Variants in KLHDC8B observed in about 807,000 individuals in gnomAD.
The protein encoded by KLHDC8B is kelch domain-containing protein 8B.
A neutral mutation model predicts 26.3 loss-of-function variants in KLHDC8B; 19 were observed. The ratio of observed to expected loss-of-function variants is 0.72; its 90% CI spans 0.50 to 1.06. The LOEUF (loss-of-function observed/expected upper bound fraction) is 1.06, where lower values mean the gene tolerates loss of function less well. Among genes scored for constraint, KLHDC8B ranks in the 50% least tolerant of loss-of-function variants. The pLI is 0.00. For missense variants in KLHDC8B, 411 were observed against 488.1 expected (o/e 0.84, Z 1.49); for synonymous variants, 150 against 188.4 (o/e 0.80, Z 1.67).
In KLHDC8B at chr3:49,175,659, G is replaced by T; in HGVS notation, c.923G>T (p.Arg308Leu). 1.9e-6 allele frequency: 3 copies of T among 1,609,160 alleles called. No homozygotes were observed. The South Asian group carries it at 3.3e-5, about 18-fold the overall frequency. The change falls in exon 6 of 6, where the codon CGC becomes CTC. Residue 308 changes from arginine to leucine, a missense_variant. By Grantham distance (102) the Arg-to-Leu change is moderately radical. Transcript: ENST00000332780. ...SVESFSLARR[R>L]WEALPAMPTA... ...GAGAGCTTTAGCCTTGCACGGCGGC[G>T]CTGGGAGGCATTGCCTGCCATGCCC... is the stretch of plus-strand genomic sequence containing the variant.
chr3:49,174,133 A>C, intron 2 of KLHDC8B, 106 bp from the exon 3 acceptor site: 1 of 737,414 alleles, frequency 1.4e-6, no homozygotes, highest in Non-Finnish European at 2.3e-6. Flanking sequence ...GAGGGATGCT[A>C]TAAACACATG....
At chr3:49,173,911 C>T in intron 2 of KLHDC8B, among the ~76,000 whole-genome samples, 1 of 152,298 alleles carries the variant, frequency 6.6e-6, no homozygotes, top group East Asian at 1.9e-4. Context: ...GAGGGGAGTC[C>T]CCACCTTGTG....
At chr3:49,174,181 T>C in intron 2 of KLHDC8B, 58 bp from the exon 3 acceptor site, 1 of 1,364,398 alleles carries the variant, frequency 7.3e-7, no homozygotes, top group Non-Finnish European at 1.0e-6. Flanking sequence ...AGGGCAGCTG[T>C]CAGGGTGGGG....
At chr3:49,173,242 A>G in intron 2 of KLHDC8B, 97 bp downstream of exon 2, 14 of 1,264,834 alleles carry the variant, frequency 1.1e-5, no homozygotes, top group Non-Finnish European at 1.5e-5. Flanking sequence ...CAAGAGCTGT[A>G]ATTTTTACAT....
chr3:49,175,226 A>G (rs2045815576), intron 5 of KLHDC8B, 63 bp downstream of exon 5: 1 of 1,358,382 alleles, frequency 7.4e-7, no homozygotes, highest in African/African-American at 1.4e-5. Flanking sequence ...AGCCCCCAGC[A>G]TGTGTGTCAC....
rs2045822261 is a variant in KLHDC8B at position 49,175,737 on chromosome 3, T to C, written c.1001T>C (p.Ile334Thr). The part of the protein sequence containing the change: ...SLQAGPRLFV[I>T]GGVAQGPSQA... Reference sequence around the variant, plus strand: ...CAGGCTGGGCCCCGGCTGTTTGTTATTGGGGGTGTGGCCCAGGGCCCCAGT... The same window carrying C: ...CAGGCTGGGCCCCGGCTGTTTGTTACTGGGGGTGTGGCCCAGGGCCCCAGT... Residue 334 changes from isoleucine to threonine, a missense_variant, in exon 6 of 6, where the codon ATT (isoleucine) becomes ACT (threonine). Ile to Thr is a moderately conservative substitution (Grantham distance 89). Coordinates refer to ENST00000332780, the MANE Select transcript of KLHDC8B (RefSeq NM_173546.3). 3.7e-6 allele frequency: 6 copies of C among 1,614,028 alleles called. No individual in the cohort carries two copies. Among genetic ancestry groups the C allele is most frequent in the East Asian group, 2.2e-5 (1 of 44,884 alleles).
chr3:49,175,787 C>T lies in KLHDC8B; in HGVS notation c.1051C>T (p.Arg351Cys), dbSNP rs752885062. ...PSQAVEALCL[R>C]DGV ...TCAAGCCGTGGAGGCACTGTGTCTG[C>T]GTGATGGGGTCTGAAGGCTTGGTGG... is the stretch of plus-strand genomic sequence containing the variant. The change falls in exon 6 of 6, where the codon CGT (arginine) becomes TGT (cysteine). Residue 351 changes from arginine (R) to cysteine (C), a missense_variant. Arg to Cys is a radical substitution (Grantham distance 180, BLOSUM62 -3). Coordinates refer to ENST00000332780, the MANE Select transcript of KLHDC8B (RefSeq NM_173546.3). 8.7e-6 allele frequency: 14 copies of T among 1,614,026 alleles called. No individual in the cohort carries two copies. The highest frequency in any genetic ancestry group is 1.7e-4 in the Middle Eastern group (1 of 6,060).
rs765662186 is a variant in KLHDC8B, at chr3:49,175,718, G to A, written c.982G>A (p.Gly328Arg). The change falls in exon 6 of 6, where the codon GGG becomes AGG. Residue 328 changes from glycine to arginine, a missense_variant. Gly to Arg is a moderately radical substitution (Grantham distance 125). Transcript: ENST00000332780. ...ARCSCSSLQA[G>R]PRLFVIGGVA... ...CTGCTCCTGCTCTAGTCTGCAGGCT[G>A]GGCCCCGGCTGTTTGTTATTGGGGG... 1 of 1,613,982 alleles carries A rather than the reference G, an allele frequency of 6.2e-7. No individual in the cohort carries two copies. The highest frequency in any genetic ancestry group is 1.1e-5 in the South Asian group (1 of 91,088).
At position 49,174,170 on chromosome 3, in the gene KLHDC8B, C is replaced by T. The variant is rs1479991140; in HGVS notation, c.377-69C>T. 3.2e-6 allele frequency: 4 copies of T among 1,253,052 alleles called. No homozygotes were observed. In the African/African-American group the frequency reaches 4.5e-5, roughly 14 times the overall value. The allele number at this position is 1,253,052 out of a possible 1,614,324, so 77.6% of individuals were successfully genotyped here. A position where few individuals can be genotyped will look rare whatever the true frequency, so the allele number is the denominator to read the frequency against. ...GTCTCCAGCCACCCCCAGGACTTAC[C>T]AGGGCAGCTGTCAGGGTGGGGTACC... is the stretch of plus-strand genomic sequence containing the variant. On this transcript the variant is annotated intron_variant, in intron 2 of 5. Transcript: ENST00000332780.
rs774755367 is a variant in KLHDC8B, at chr3:49,174,960, G to C, written c.760G>C (p.Glu254Gln). The C allele has an allele frequency of 1.9e-6, 3 of 1,613,970 alleles. No homozygotes were observed. Among genetic ancestry groups the C allele is most frequent in the South Asian group, 1.1e-5 (1 of 91,080 alleles). ...CAACACTGTGGAGATGTTTGACCTG[G>C]AGCATGGTGAGCAGTGGCTGTTCTG... ...FVNTVEMFDL[E>Q]HGSWTKLPRS... The change falls in exon 4 of 6, where the codon GAG (glutamate) becomes CAG (glutamine). Residue 254 changes from glutamate (E) to glutamine (Q), a missense_variant. Physicochemically the swap from Glu to Gln is conservative, Grantham distance 29. Transcript: ENST00000332780.
In KLHDC8B at chr3:49,173,081, G is replaced by T; in HGVS notation, c.312G>T (p.Glu104Asp). 1 of 1,596,328 alleles carries T rather than the reference G, an allele frequency of 6.3e-7. No homozygotes were observed. Among genetic ancestry groups the T allele is most frequent in the Non-Finnish European group, 8.5e-7 (1 of 1,171,722 alleles). Reference sequence around the variant, plus strand: ...CTGTAGAGGCCTTCCTGATGGATGAGGGCCGCTGGGAGCGTCGGGCCACCC... The same window carrying T: ...CTGTAGAGGCCTTCCTGATGGATGATGGCCGCTGGGAGCGTCGGGCCACCC... ...VAAVEAFLMDEGRWERRATLP... is the reference protein window; with the variant it reads ...VAAVEAFLMDDGRWERRATLP... The change falls in exon 2 of 6, where the codon GAG (glutamate) becomes GAT (aspartate). Residue 104 changes from glutamate to aspartate, a missense_variant. Transcript: ENST00000332780.
chr3:49,172,282 G>C (rs1411392502), intron 1 of KLHDC8B, among the ~76,000 whole-genome samples: 1 of 152,188 alleles, frequency 6.6e-6, no homozygotes, highest in African/African-American at 2.4e-5. Flanking sequence ...CCAGCGTGAG[G>C]CTTGTTGAGG....
chr3:49,173,364 T>A (rs1218167074), intron 2 of KLHDC8B, among the ~76,000 whole-genome samples: 1 of 152,110 alleles, frequency 6.6e-6, no homozygotes, highest in African/African-American at 2.4e-5. Flanking sequence ...CCCAAGCCGA[T>A]CCCAGGATGA....
chr3:49,172,276 C>G (rs1444039775), intron 1 of KLHDC8B, among the ~76,000 whole-genome samples: 2 of 152,140 alleles, frequency 1.3e-5, no homozygotes, highest in Non-Finnish European at 2.9e-5. Context: ...GCAGGACCAG[C>G]GTGAGGCTTG....
chr3:49,175,751 C>T lies in KLHDC8B; in HGVS notation c.1015C>T (p.Gln339Ter). ...PRLFVIGGVA[Q>*]GPSQAVEALC... ...GCTGTTTGTTATTGGGGGTGTGGCC[C>T]AGGGCCCCAGTCAAGCCGTGGAGGC... Residue 339 changes from glutamine (Q) to a stop codon, truncating the protein, a stop_gained, in exon 6 of 6, where the codon CAG becomes TAG. Transcript: ENST00000332780. LOFTEE classifies it high-confidence loss of function. The T allele has an allele frequency of 6.2e-7, 1 of 1,614,026 alleles. No individual in the cohort carries two copies. Among genetic ancestry groups the T allele is most frequent in the Non-Finnish European group, 8.5e-7 (1 of 1,180,010 alleles).
At chr3:49,175,308 G>A (rs2045816346) in intron 5 of KLHDC8B, 145 bp downstream of exon 5, 5 of 687,176 alleles carry the variant, frequency 7.3e-6, no homozygotes, top group Non-Finnish European at 1.2e-5. Flanking sequence ...GAAGTAGGCA[G>A]GATGTGGTCT....
At position 49,175,126 on chromosome 3, in the gene KLHDC8B, G is replaced by C. The variant is rs1041590427; in HGVS notation, c.831G>C (p.Gly277=). 54 of 1,614,036 alleles carry C rather than the reference G, an allele frequency of 3.3e-5. No homozygotes were observed. The highest frequency in any genetic ancestry group is 4.5e-5 in the Non-Finnish European group (53 of 1,180,032). Residue 277 remains glycine (G), a synonymous_variant, in exon 5 of 6, where the codon GGG becomes GGC. Coordinates refer to ENST00000332780, the MANE Select transcript of KLHDC8B (RefSeq NM_173546.3). ...ATAAGAGGGCAGACTTTGTGGTTGG[G>C]TCCCTTGGGGGCCACATTGTGGCCA... ...MRDKRADFVV[G]SLGGHIVAIG... is the part of the protein sequence containing the mutation.
At chr3:49,174,629 G>A in intron 3 of KLHDC8B, 113 bp from the exon 4 acceptor site, 1 of 1,384,982 alleles carries the variant, frequency 7.2e-7, no homozygotes, top group Non-Finnish European at 9.7e-7. Flanking sequence ...TCATGTGCAA[G>A]TGTGCACACA....
chr3:49,172,612 C>T lies in KLHDC8B; in HGVS notation c.-134-24C>T, dbSNP rs576452548. 10 of 690,262 alleles carry T rather than the reference C, an allele frequency of 1.4e-5. No individual in the cohort carries two copies. The African/African-American group carries it at 1.6e-4, about 11-fold the overall frequency. The allele number at this position is 690,262 out of a possible 1,614,324, so 42.8% of individuals were successfully genotyped here. On this transcript the variant is annotated intron_variant, in intron 1 of 5. Coordinates refer to ENST00000332780, the MANE Select transcript of KLHDC8B (RefSeq NM_173546.3). The stretch of plus-strand genomic sequence containing the variant: ...CTGAGGGGCCGGTCAGTGCCCTGAC[C>T]CCTGTTTTCCCTCTTTCCTCCAGGT...
Sources: allele counts gnomAD v4.1 joint callset (sites outside exome capture counted in the v4.1 genomes callset), GRCh38; gene constraint gnomAD v4.1.1; transcripts MANE v1.5; gene names NCBI Gene and HGNC (gene_info 2026-07-23, HGNC 2026-07-21).